CUEDC1: variants seen among roughly 807,000 people sequenced by gnomAD.
CUEDC1 encodes the protein CUE domain containing 1.
Under a neutral mutation model 43.7 loss-of-function variants are expected in CUEDC1, and 30 were observed. That is an observed-to-expected ratio of 0.69 (90% CI 0.51 to 0.93). The LOEUF (loss-of-function observed/expected upper bound fraction) is 0.93. CUEDC1 is among the 40% of genes least tolerant of loss of function. The probability of loss-of-function intolerance (pLI) is 0.00; values close to 1 mark genes in which losing one functional copy is unlikely to be tolerated. For missense variants in CUEDC1, 486 were observed against 549.0 expected, an observed-to-expected ratio of 0.89 and a Z score of 1.15; for synonymous variants, 223 against 223.6, an observed-to-expected ratio of 1.00 and a Z score of 0.02.
intron 7 of CUEDC1, among the ~76,000 whole-genome samples, chr17:57,868,834 C>T (rs962316042): frequency 6.6e-6 from 1 of 152,294 alleles, no homozygotes; most frequent in South Asian, 2.1e-4. Flanking sequence ...CAAGCCTCCT[C>T]GAGCCACAGA....
chr17:57,861,803 A>ACCC lies in CUEDC1; in HGVS notation c.*1483_*1485dup, dbSNP rs142325588. 1 of 131,352 alleles carries ACCC rather than the reference A, an allele frequency of 7.6e-6. No homozygotes were observed. Among genetic ancestry groups the ACCC allele is most frequent in the African/African-American group, 2.8e-5 (1 of 36,012 alleles). The allele number at this position is 131,352 out of a possible 1,614,324, so 8.1% of individuals were successfully genotyped here. The stretch of plus-strand genomic sequence containing the variant: ...TGGGGTACCGAGGCACTCCTCGGAG[A>ACCC]CCCCCCCCCCTCCCTCCAGGGCCCC... On this transcript the variant is annotated 3_prime_UTR_variant, in exon 11 of 11. Transcript: ENST00000577830.
chr17:57,866,615 G>T, intron 9 of CUEDC1, 71 bp from the exon 10 acceptor site: 1 of 1,513,790 alleles, frequency 6.6e-7, no homozygotes, highest in South Asian at 1.1e-5. Context: ...CCCTAGACTG[G>T]GCAAGAGAGC....
Position 57,954,909 on chromosome 17 carries a change from C to T in CUEDC1, c.-316+316G>A, listed in dbSNP as rs142043713. Among the ~76,000 whole-genome samples the T allele has an allele frequency of 0.09, 13,655 of 151,754 alleles. 815 individuals carry two copies. Among genetic ancestry groups the T allele is most frequent in the Non-Finnish European group, 0.13 (8,613 of 67,776 alleles). On this transcript the variant is annotated intron_variant, in intron 1 of 10. Transcript: ENST00000577830. This position sits in a 1 kb window ranked among gnomAD's most constrained non-coding sequence, Gnocchi z 4.3. ...CCTTCCCTGCGGCGCTGGCCCGCGC[C>T]CCCCGGTCTAATCGCGCGCCCCGCT...
chr17:57,948,879 G>A (rs1266739749), intron 1 of CUEDC1, among the ~76,000 whole-genome samples: 1 of 152,158 alleles, frequency 6.6e-6, no homozygotes, highest in Non-Finnish European at 1.5e-5. Context: ...TGACTCTTAA[G>A]GGACTTTTAT....
intron 1 of CUEDC1, among the ~76,000 whole-genome samples, chr17:57,905,113 A>T (rs2074514637): frequency 6.6e-6 from 1 of 152,080 alleles, no homozygotes; most frequent in Non-Finnish European, 1.5e-5. Flanking sequence ...GCCTTTTGCC[A>T]GGCCTAACTG....
At chr17:57,906,163 T>G (rs2074528256) in intron 1 of CUEDC1, among the ~76,000 whole-genome samples, 1 of 152,228 alleles carries the variant, frequency 6.6e-6, no homozygotes, top group African/African-American at 2.4e-5. Context: ...GTGTTCATAG[T>G]GGTGTTATTC....
intron 1 of CUEDC1, among the ~76,000 whole-genome samples, chr17:57,946,894 CCT>C (rs974283182): frequency 1.3e-5 from 2 of 152,168 alleles, no homozygotes; most frequent in East Asian, 1.9e-4. Context: ...GCATCTTCTT[CCT>C]CTCTCTGCTC....
At chr17:57,914,351 GAA>G (rs2074615774) in intron 1 of CUEDC1, among the ~76,000 whole-genome samples, 1 of 152,164 alleles carries the variant, frequency 6.6e-6, no homozygotes, top group South Asian at 2.1e-4. Flanking sequence ...GCTTCAAAGA[GAA>G]AAAGAGTTAA....
Position 57,937,972 on chromosome 17 carries a change from AT to A in CUEDC1, c.-316+17252del, listed in dbSNP as rs540633361. 2.4e-3 allele frequency among the ~76,000 whole-genome samples: 373 copies of A among 152,336 alleles called. 1 individual carries two copies. The highest frequency in any genetic ancestry group is 7.8e-3 in the African/African-American group (323 of 41,580). On this transcript the variant is annotated intron_variant, in intron 1 of 10. Coordinates refer to ENST00000577830, the MANE Select transcript of CUEDC1 (RefSeq NM_001271875.2). Reference sequence around the variant, plus strand: ...GGAAATAAGCATGAGAAGCCAAAAAATAAAATAAAATAATTGTAATAAAAAA... The same window carrying A: ...GGAAATAAGCATGAGAAGCCAAAAAAAAAATAAAATAATTGTAATAAAAAA...
intron 1 of CUEDC1, among the ~76,000 whole-genome samples, chr17:57,944,198 TTATATA>T (rs201089332): frequency 1.2e-4 from 18 of 144,706 alleles, no homozygotes; most frequent in Non-Finnish European, 2.0e-4. Flanking sequence ...ATTTATTTTT[TTATATA>T]TATATATTTT....
chr17:57,891,696 T>C (rs989353208), intron 1 of CUEDC1, among the ~76,000 whole-genome samples: 2 of 152,162 alleles, frequency 1.3e-5, no homozygotes, highest in African/African-American at 4.8e-5. Flanking sequence ...CCAAGCACAC[T>C]CCCACCCAGG....
At chr17:57,879,312 T>G (rs1204541148) in intron 3 of CUEDC1, among the ~76,000 whole-genome samples, 1 of 152,180 alleles carries the variant, frequency 6.6e-6, no homozygotes, top group Non-Finnish European at 1.5e-5. Flanking sequence ...TACTCTGGCA[T>G]CTCCCTTGAC....
At position 57,923,110 on chromosome 17, in the gene CUEDC1, G is replaced by C. The variant is rs368631794; in HGVS notation, c.-316+32115C>G. On this transcript the variant is annotated intron_variant, in intron 1 of 10. Transcript: ENST00000577830. ...CAAAGTGCTAGGATTACAGGCATGA[G>C]CCTCTGCATCTGGCTGTGAATTTTA... Among the ~76,000 whole-genome samples, 62 of 152,292 alleles carry C rather than the reference G, an allele frequency of 4.1e-4. No homozygotes were observed. The South Asian group carries it at 0.011, about 27-fold the overall frequency.
At chr17:57,910,067 C>A (rs1174483855) in intron 1 of CUEDC1, among the ~76,000 whole-genome samples, 2 of 152,180 alleles carry the variant, frequency 1.3e-5, no homozygotes, top group Non-Finnish European at 1.5e-5. Flanking sequence ...TAGCTCACTG[C>A]AGCCTCAAAC....
chr17:57,905,109 T>C (rs2074514610), intron 1 of CUEDC1, among the ~76,000 whole-genome samples: 1 of 152,124 alleles, frequency 6.6e-6, no homozygotes, highest in Non-Finnish European at 1.5e-5. Flanking sequence ...GGTGGCCTTT[T>C]GCCAGGCCTA....
At chr17:57,893,922 C>T (rs1036848287) in intron 1 of CUEDC1, among the ~76,000 whole-genome samples, 10 of 151,920 alleles carry the variant, frequency 6.6e-5, no homozygotes, top group Admixed American at 2.0e-4. Context: ...GGTGAAACAC[C>T]GTCTCTACTA....
chr17:57,899,530 G>A (rs929159877), intron 1 of CUEDC1, among the ~76,000 whole-genome samples: 4 of 152,150 alleles, frequency 2.6e-5, no homozygotes, highest in East Asian at 3.9e-4. Flanking sequence ...AACCCAGATC[G>A]TGAGACTCCT....
At chr17:57,932,315 G>A (rs565183319) in intron 1 of CUEDC1, among the ~76,000 whole-genome samples, 172 of 132,214 alleles carry the variant, frequency 1.3e-3, no homozygotes, top group Non-Finnish European at 2.0e-3. Flanking sequence ...GCCAGGCATG[G>A]TGGCTCACGC....
chr17:57,945,795 G>C (rs945744612), intron 1 of CUEDC1, among the ~76,000 whole-genome samples: 11 of 152,010 alleles, frequency 7.2e-5, no homozygotes, highest in African/African-American at 1.9e-4. Flanking sequence ...TGAGGTGGGC[G>C]GATCAGTTGA....
Sources: gnomAD v4.1 joint callset for allele counts (sites outside exome capture counted in the v4.1 genomes callset) on GRCh38, gnomAD v4.1.1 for gene constraint, Gnocchi (gnomAD v3.1) non-coding constraint, MANE v1.5 for transcripts, NCBI Gene and HGNC (gene_info 2026-07-23, HGNC 2026-07-21) for gene names.